Variants in CYP19A1 observed in about 807,000 individuals in gnomAD.
CYP19A1 encodes cytochrome P450 family 19 subfamily A member 1.
In CYP19A1, 32 loss-of-function variants were observed where a neutral mutation model predicts 44.4. The ratio of observed to expected loss-of-function variants is 0.72; its 90% CI spans 0.54 to 0.97. CYP19A1 has a LOEUF of 0.97. Ranked by LOEUF, CYP19A1 falls within the 50% of genes least tolerant of loss-of-function variation. CYP19A1 has a pLI of 0.00. For missense variants in CYP19A1, 598 were observed against 637.8 expected (o/e 0.94, Z 0.67); for synonymous variants, 212 against 215.6 (o/e 0.98, Z 0.14).
At position 51,318,218 on chromosome 15, in the gene CYP19A1, T is replaced by TAA. The variant is rs56163756; in HGVS notation, c.-39+20275_-39+20276dup. 9.4e-5 allele frequency among the ~76,000 whole-genome samples: 14 copies of TAA among 149,478 alleles called. No individual in the cohort carries two copies. The South Asian group carries it at 1.9e-3, about 20-fold the overall frequency. On this transcript the variant is annotated intron_variant, in intron 1 of 9. Coordinates refer to ENST00000396402, the MANE Select transcript of CYP19A1 (RefSeq NM_000103.4). The stretch of plus-strand genomic sequence containing the variant: ...TACTGCCCTCAACAGTCTAAAAATG[T>TAA]AAAAAAAAAAATTTACAGGTGAATA...
chr15:51,294,290 A>C (rs1595764887), intron 1 of CYP19A1, among the ~76,000 whole-genome samples: 6 of 110,764 alleles, frequency 5.4e-5, no homozygotes, highest in African/African-American at 1.1e-4. Context: ...CCGGCCGCCC[A>C]TCGTCTGAGA....
intron 1 of CYP19A1, among the ~76,000 whole-genome samples, chr15:51,319,686 T>C (rs913416715): frequency 4.6e-5 from 7 of 152,252 alleles, no homozygotes; most frequent in African/African-American, 1.7e-4. Context: ...GGCTTATGCA[T>C]CCTTCTAGGA....
chr15:51,265,303 CA>C (rs898677898), intron 1 of CYP19A1, among the ~76,000 whole-genome samples: 1 of 152,224 alleles, frequency 6.6e-6, no homozygotes, highest in Non-Finnish European at 1.5e-5. Flanking sequence ...ACTCCCTCCC[CA>C]CATTAAGTCA....
intron 2 of CYP19A1, among the ~76,000 whole-genome samples, chr15:51,240,307 C>T (rs2141116360): frequency 6.6e-6 from 1 of 152,166 alleles, no homozygotes; most frequent in Non-Finnish European, 1.5e-5. Flanking sequence ...GATATGAGCC[C>T]CAGTTTCATC....
intron 1 of CYP19A1, among the ~76,000 whole-genome samples, chr15:51,327,647 G>C (rs1241867471): frequency 6.6e-6 from 1 of 152,116 alleles, no homozygotes; most frequent in Non-Finnish European, 1.5e-5. Context: ...GCCAGGCTCA[G>C]CCCAACAGAC....
intron 1 of CYP19A1, among the ~76,000 whole-genome samples, chr15:51,294,676 A>AGGCGGGG (rs1478217554): frequency 1.0e-5 from 1 of 96,874 alleles, no homozygotes; most frequent in African/African-American, 7.4e-5. Flanking sequence ...TCCGGGAGGG[A>AGGCGGGG]GGTGGGGGGT....
At chr15:51,283,495 G>A (rs901518784) in intron 1 of CYP19A1, among the ~76,000 whole-genome samples, 3 of 152,204 alleles carry the variant, frequency 2.0e-5, no homozygotes, top group Non-Finnish European at 2.9e-5. Flanking sequence ...CTCTGAATAC[G>A]TTAAGGCTTG....
At chr15:51,253,305 G>C (rs549262333) in intron 1 of CYP19A1, among the ~76,000 whole-genome samples, 6 of 152,330 alleles carry the variant, frequency 3.9e-5, no homozygotes, top group African/African-American at 1.2e-4. Context: ...AATAATAATG[G>C]ACAGTCCCTG....
At chr15:51,235,564 A>G (rs2033338690) in intron 3 of CYP19A1, among the ~76,000 whole-genome samples, 1 of 152,212 alleles carries the variant, frequency 6.6e-6, no homozygotes, top group Non-Finnish European at 1.5e-5. Flanking sequence ...ACTGAATGAA[A>G]CAAACAAACA....
intron 1 of CYP19A1, among the ~76,000 whole-genome samples, chr15:51,273,633 C>T (rs1337200618): frequency 6.6e-6 from 1 of 152,128 alleles, no homozygotes; most frequent in Non-Finnish European, 1.5e-5. Context: ...AAAATCACTT[C>T]AACTCAGGCC....
intron 1 of CYP19A1, among the ~76,000 whole-genome samples, chr15:51,245,632 G>A (rs1294269903): frequency 6.6e-6 from 1 of 151,954 alleles, no homozygotes; most frequent in Admixed American, 6.6e-5. Context: ...TCTGACAAAG[G>A]GCTAATATCC....
At chr15:51,263,094 A>G (rs2034790793) in intron 1 of CYP19A1, among the ~76,000 whole-genome samples, 1 of 152,126 alleles carries the variant, frequency 6.6e-6, no homozygotes, top group East Asian at 1.9e-4. Flanking sequence ...TGTGATATGA[A>G]CTCCCAAAGA....
chr15:51,326,378 A>G (rs959059071), intron 1 of CYP19A1, among the ~76,000 whole-genome samples: 9 of 152,222 alleles, frequency 5.9e-5, no homozygotes, highest in African/African-American at 9.6e-5. Context: ...CTCCAGAACA[A>G]TGAAAATGAG....
At chr15:51,267,820 C>A (rs147120433) in intron 1 of CYP19A1, among the ~76,000 whole-genome samples, 2 of 152,324 alleles carry the variant, frequency 1.3e-5, no homozygotes, top group East Asian at 1.9e-4. Flanking sequence ...ACCAGCCCTG[C>A]CGGCTCCCCA....
At position 51,242,970 on chromosome 15, in the gene CYP19A1, A is replaced by T; in HGVS notation, c.-38-20T>A. 3 of 1,272,278 alleles carry T rather than the reference A, an allele frequency of 2.4e-6. No homozygotes were observed. The highest frequency in any genetic ancestry group is 3.5e-6 in the Non-Finnish European group (3 of 868,454). 78.8% of individuals were successfully genotyped at this position (1,272,278 alleles called of 1,614,324 possible). On this transcript the variant is annotated intron_variant, in intron 1 of 9. Transcript: ENST00000396402. ...AGAGTCCTGTGGAAATCAAAGGGAC[A>T]GAAAAATTACAGAATCCCCTAAAAG... is the stretch of plus-strand genomic sequence containing the variant.
chr15:51,312,512 G>C (rs150759936), intron 1 of CYP19A1: 77 of 152,400 alleles, frequency 5.1e-4, no homozygotes, highest in African/African-American at 1.8e-3. Context: ...TCCAGCCCTA[G>C]CTTCTCTGGC....
intron 9 of CYP19A1, among the ~76,000 whole-genome samples, chr15:51,211,282 C>A (rs967495927): frequency 2.0e-5 from 3 of 152,180 alleles, no homozygotes; most frequent in African/African-American, 7.2e-5. Flanking sequence ...CCAGTTTTGC[C>A]TTTCATGTGC....
chr15:51,336,420 G>T (rs1339900365), intron 1 of CYP19A1, among the ~76,000 whole-genome samples: 1 of 152,224 alleles, frequency 6.6e-6, no homozygotes, highest in Non-Finnish European at 1.5e-5. Flanking sequence ...GGGTTTAACA[G>T]TAGGAATGGG....
In CYP19A1 at chr15:51,304,890, CTTTTTTTT is replaced by C. The variant is rs545247348; in HGVS notation, c.-39+33597_-39+33604del. Reference sequence around the variant, plus strand: ...ATCCCTCAGGTAATTGTGTCTCTTCCTTTTTTTTTTTTTTTTTTTTTTTTTTGAGACAG... The same window carrying C: ...ATCCCTCAGGTAATTGTGTCTCTTCCTTTTTTTTTTTTTTTTTTGAGACAG... On this transcript the variant is annotated intron_variant, in intron 1 of 9. Coordinates refer to ENST00000396402, the MANE Select transcript of CYP19A1 (RefSeq NM_000103.4). 8.5e-3 allele frequency among the ~76,000 whole-genome samples: 890 copies of C among 104,600 alleles called. 16 individuals carry two copies. The highest frequency in any genetic ancestry group is 0.04 in the African/African-American group (830 of 20,896). The allele number at this position is 104,600 out of a possible 152,430, so 68.6% of individuals were successfully genotyped here. A position where few individuals can be genotyped will look rare whatever the true frequency, so the allele number is the denominator to read the frequency against.
Sources: gnomAD v4.1 joint callset for allele counts (sites outside exome capture counted in the v4.1 genomes callset) on GRCh38, gnomAD v4.1.1 for gene constraint, MANE v1.5 for transcripts, NCBI Gene and HGNC (gene_info 2026-07-23, HGNC 2026-07-21) for gene names.